Variants in MYRIP observed in about 807,000 individuals in gnomAD.
MYRIP encodes rab effector MyRIP.
A neutral mutation model predicts 98.0 loss-of-function variants in MYRIP; 49 were observed. The ratio of observed to expected loss-of-function variants is 0.50; its 90% confidence interval spans 0.40 to 0.63. MYRIP has a LOEUF of 0.63. Ranked by LOEUF, MYRIP falls within the 30% of genes least tolerant of loss-of-function variation. The pLI, the probability that MYRIP is intolerant of heterozygous loss-of-function variation, is 0.00. For synonymous variants in MYRIP, 404 were observed against 409.5 expected (o/e 0.99, Z 0.16); for missense variants, 1,004 against 1,058.2 (o/e 0.95, Z 0.71).
chr3:40,072,672 C>T (rs1948257646), intron 3 of MYRIP, among the ~76,000 whole-genome samples: 1 of 152,080 alleles, frequency 6.6e-6, no homozygotes, highest in Non-Finnish European at 1.5e-5. Flanking sequence ...ACTTTCCAAG[C>T]ATGTGGAGAT....
chr3:40,128,135 C>T (rs374745363), intron 3 of MYRIP, among the ~76,000 whole-genome samples: 5 of 152,110 alleles, frequency 3.3e-5, no homozygotes, highest in African/African-American at 7.2e-5. Flanking sequence ...GGAAGGCACC[C>T]GGTTCAAGAG....
intron 2 of MYRIP, among the ~76,000 whole-genome samples, chr3:40,034,295 A>T (rs1947328036): frequency 1.3e-5 from 2 of 152,096 alleles, no homozygotes; most frequent in African/African-American, 4.8e-5. Context: ...CACCTACAAA[A>T]TGGGAGAAAA....
intron 4 of MYRIP, among the ~76,000 whole-genome samples, chr3:40,154,262 TCTC>T (rs1950174476): frequency 6.6e-6 from 1 of 152,096 alleles, no homozygotes; most frequent in African/African-American, 2.4e-5. Flanking sequence ...CCTTTCTCCT[TCTC>T]CTGCAGCTCA....
At chr3:40,059,795 G>T (rs4676561) in intron 3 of MYRIP, among the ~76,000 whole-genome samples, 44,189 of 152,048 alleles carry the variant, frequency 0.29, 6,505 homozygotes, top group East Asian at 0.36. Flanking sequence ...GTGTTTTGTG[G>T]TTGCCCCGTG....
chr3:40,038,580 CT>C (rs1269413632), intron 2 of MYRIP, among the ~76,000 whole-genome samples: 3 of 152,018 alleles, frequency 2.0e-5, no homozygotes, highest in Non-Finnish European at 4.4e-5. Flanking sequence ...TAGCAGAGAT[CT>C]TATAATCATG....
intron 10 of MYRIP, among the ~76,000 whole-genome samples, chr3:40,196,709 T>C (rs1050495668): frequency 6.6e-6 from 1 of 152,248 alleles, no homozygotes; most frequent in African/African-American, 2.4e-5. Context: ...TGTGTATGTA[T>C]GCATTGTTCT....
At position 40,083,731 on chromosome 3, in the gene MYRIP, A is replaced by G. The variant is rs568955132; in HGVS notation, c.332+39460A>G. Among the ~76,000 whole-genome samples, 3 of 152,044 alleles carry G rather than the reference A, an allele frequency of 2.0e-5. No homozygotes were observed. The South Asian group carries it at 6.2e-4, about 32-fold the overall frequency. Reference sequence around the variant, plus strand: ...GTGACAGCAGAGTTCTCCATCTCAAACCATGGAGGCCAGAAGGAAGTGGCA... The same window carrying G: ...GTGACAGCAGAGTTCTCCATCTCAAGCCATGGAGGCCAGAAGGAAGTGGCA... On this transcript the variant is annotated intron_variant, in intron 3 of 16. Coordinates refer to ENST00000302541, the MANE Select transcript of MYRIP (RefSeq NM_015460.4).
rs150803573 is a variant in MYRIP, at chr3:40,233,914, A to G, written c.1961A>G (p.Asn654Ser). The change falls in exon 12 of 17, where the codon AAT (asparagine) becomes AGT (serine). Residue 654 changes from asparagine to serine, a missense_variant. By Grantham distance (46) the Asn-to-Ser change is conservative. Transcript: ENST00000302541. ...NISTEVLKVI[N>S]ATEELIAGST... is the part of the protein sequence containing the mutation. ...TCCACAGAAGTCCTGAAAGTCATCA[A>G]TGCCACAGAGGAGTTGATAGCAGGA... 35 of 1,613,412 alleles carry G rather than the reference A, an allele frequency of 2.2e-5. No individual in the cohort carries two copies. The highest frequency in any genetic ancestry group is 8.0e-5 in the African/African-American group (6 of 74,886).
At chr3:39,915,758 CA>C (rs10595634) in intron 2 of MYRIP, among the ~76,000 whole-genome samples, 1,562 of 144,092 alleles carry the variant, frequency 0.011, 27 homozygotes, top group African/African-American at 0.033. Flanking sequence ...AATGCCAGGC[CA>C]AAAAAAAAAA....
chr3:39,824,336 G>A (rs1047361735), intron 1 of MYRIP, among the ~76,000 whole-genome samples: 28 of 152,036 alleles, frequency 1.8e-4, no homozygotes, highest in African/African-American at 6.5e-4. Context: ...GCTGTTTGGG[G>A]TCTTTTGTGG....
intron 2 of MYRIP, among the ~76,000 whole-genome samples, chr3:39,923,738 T>C (rs1464181729): frequency 1.3e-5 from 2 of 152,154 alleles, no homozygotes; most frequent in Non-Finnish European, 2.9e-5. Context: ...AGGCTTTCTT[T>C]ATCCTTTTCT....
rs186640766 is a variant in MYRIP, at chr3:40,093,494, A to C, written c.332+49223A>C. Among the ~76,000 whole-genome samples, 309 of 152,282 alleles carry C rather than the reference A, an allele frequency of 2.0e-3. 2 individuals are homozygous for C. Among genetic ancestry groups the C allele is most frequent in the Middle Eastern group, 6.8e-3 (2 of 294 alleles). ...GATCATGCCCAGATTCTCTAGTTGG[A>C]ACATACATTCAGTTCCAACTATGCA... On this transcript the variant is annotated intron_variant, in intron 3 of 16. Transcript: ENST00000302541.
At chr3:40,221,525 G>A (rs974365452) in intron 11 of MYRIP, among the ~76,000 whole-genome samples, 7 of 152,138 alleles carry the variant, frequency 4.6e-5, no homozygotes, top group Admixed American at 6.6e-5. Flanking sequence ...CAGCTACTCC[G>A]GAGGCTAAGG....
chr3:40,201,905 A>T (rs1951574123), intron 10 of MYRIP, among the ~76,000 whole-genome samples: 1 of 152,212 alleles, frequency 6.6e-6, no homozygotes, highest in Non-Finnish European at 1.5e-5. Flanking sequence ...CCAGGGACAG[A>T]AACGTTCCAA....
At chr3:40,192,328 C>CATATATATATGTCAT (rs1559444976) in intron 10 of MYRIP, among the ~76,000 whole-genome samples, 978 of 37,500 alleles carry the variant, frequency 0.026, 26 homozygotes, top group Middle Eastern at 0.13. Flanking sequence ...ATATATATGT[C>CATATATATATGTCAT]ATATATATAT....
At chr3:40,145,491 T>G (rs999083973) in intron 3 of MYRIP, among the ~76,000 whole-genome samples, 6 of 152,164 alleles carry the variant, frequency 3.9e-5, no homozygotes, top group Non-Finnish European at 8.8e-5. Flanking sequence ...GCCCTTTCAT[T>G]CTCCTTCCTG....
At chr3:39,994,495 G>C (rs1352644134) in intron 2 of MYRIP, among the ~76,000 whole-genome samples, 1 of 152,244 alleles carries the variant, frequency 6.6e-6, no homozygotes, top group African/African-American at 2.4e-5. Flanking sequence ...TGGGGGAGGG[G>C]CGCCTGCCAT....
intron 2 of MYRIP, among the ~76,000 whole-genome samples, chr3:39,996,684 T>C (rs1348109971): frequency 6.6e-6 from 1 of 152,206 alleles, no homozygotes; most frequent in Non-Finnish European, 1.5e-5. Flanking sequence ...CAAGTGGACC[T>C]AATAGACATC....
chr3:39,915,391 G>A (rs1944129190), intron 2 of MYRIP, among the ~76,000 whole-genome samples: 1 of 151,788 alleles, frequency 6.6e-6, no homozygotes, highest in Non-Finnish European at 1.5e-5. Context: ...AATTATAACA[G>A]ATAAACCTAT....
Sources: gnomAD v4.1 joint callset for allele counts (sites outside exome capture counted in the v4.1 genomes callset) on GRCh38, gnomAD v4.1.1 for gene constraint, MANE v1.5 for transcripts, NCBI Gene and HGNC (gene_info 2026-07-23, HGNC 2026-07-21) for gene names.